NRXN1: variants seen among roughly 807,000 people sequenced by gnomAD.
NRXN1 encodes neurexin-1.
Under a neutral mutation model 150.9 loss-of-function variants are expected in NRXN1, and 39 were observed. That is an observed-to-expected ratio of 0.26 (90% confidence interval 0.20 to 0.34). The LOEUF (loss-of-function observed/expected upper bound fraction) is 0.34. NRXN1 is among the 10% of genes least tolerant of loss of function. NRXN1 has a pLI of 1.00. For missense variants in NRXN1, 1,815 were observed against 1,949.9 expected (o/e 0.93, Z 1.30); for synonymous variants, 924 against 757.0 (o/e 1.22, Z -3.62).
intron 17 of NRXN1, among the ~76,000 whole-genome samples, chr2:50,404,641 G>T (rs949195592): frequency 1.3e-5 from 2 of 151,990 alleles, no homozygotes; most frequent in East Asian, 3.9e-4. Flanking sequence ...CTTGTAGAAG[G>T]GTAACAATTG....
intron 5 of NRXN1, among the ~76,000 whole-genome samples, chr2:50,718,192 C>G (rs1290189256): frequency 6.6e-6 from 1 of 152,098 alleles, no homozygotes; most frequent in Non-Finnish European, 1.5e-5. Context: ...AAAATAGGTT[C>G]CTCTCTTTGG....
chr2:50,081,243 GGC>G lies in NRXN1; in HGVS notation c.3718+10078_3718+10079del, dbSNP rs925760670. On this transcript the variant is annotated intron_variant, in intron 19 of 22. Transcript: ENST00000401669. The stretch of plus-strand genomic sequence containing the variant: ...TTTTGATACTCTGCCTCCTCTTGAC[GGC>G]ACTTTCATTTGTTTATTAGAAGTTA... Among the ~76,000 whole-genome samples, 7 of 152,126 alleles carry G rather than the reference GGC, an allele frequency of 4.6e-5. No individual in the cohort carries two copies. The South Asian group carries it at 6.2e-4, about 14-fold the overall frequency.
intron 17 of NRXN1, among the ~76,000 whole-genome samples, chr2:50,315,415 A>G (rs2075518866): frequency 6.6e-6 from 1 of 152,144 alleles, no homozygotes; most frequent in Admixed American, 6.6e-5. Context: ...GCTCTACTAA[A>G]ATGGAATCTA....
chr2:50,183,362 C>T (rs2060860323), intron 18 of NRXN1, among the ~76,000 whole-genome samples: 1 of 151,912 alleles, frequency 6.6e-6, no homozygotes, highest in Non-Finnish European at 1.5e-5. Flanking sequence ...TAATAAAATT[C>T]AGCAAAACTT....
rs1670441298 is a variant in NRXN1, at chr2:51,026,233, C to T, written c.772+1269G>A. 4 of 650,014 alleles carry T rather than the reference C, an allele frequency of 6.2e-6. No homozygotes were observed. In the Admixed American group the frequency reaches 7.7e-5, roughly 13 times the overall value. 40.3% of individuals were successfully genotyped at this position (650,014 alleles called of 1,614,324 possible). A position where few individuals can be genotyped will look rare whatever the true frequency, so the allele number is the denominator to read the frequency against. ...TTTCGAAATCAGATTTAATAATTCA[C>T]CTTTTTTCACCCATTTCAGCCACAA... On this transcript the variant is annotated intron_variant, in intron 2 of 22. Transcript: ENST00000401669.
At chr2:50,959,908 A>C (rs1692873494) in intron 2 of NRXN1, among the ~76,000 whole-genome samples, 1 of 152,036 alleles carries the variant, frequency 6.6e-6, no homozygotes, top group African/African-American at 2.4e-5. Flanking sequence ...AAGTTAAATG[A>C]CTTGTCCAAA....
At chr2:50,737,196 A>T (rs80317492) in intron 5 of NRXN1, among the ~76,000 whole-genome samples, 1 of 151,596 alleles carries the variant, frequency 6.6e-6, no homozygotes, top group Non-Finnish European at 1.5e-5. Context: ...ACTCCATTTC[A>T]AAAAAAAAGA....
At chr2:50,131,756 A>G (rs1705528171) in intron 18 of NRXN1, among the ~76,000 whole-genome samples, 1 of 152,190 alleles carries the variant, frequency 6.6e-6, no homozygotes, top group South Asian at 2.1e-4. Flanking sequence ...CCTGTCAGGA[A>G]TAAAAATTTG....
At chr2:50,928,226 T>A (rs1192144315) in intron 2 of NRXN1, among the ~76,000 whole-genome samples, 1 of 151,498 alleles carries the variant, frequency 6.6e-6, no homozygotes, top group East Asian at 1.9e-4. Context: ...AAAAAAAAAA[T>A]CAAAGTACTA....
intron 5 of NRXN1, chr2:50,918,643 A>T: frequency 2.7e-6 from 1 of 368,814 alleles, no homozygotes. Flanking sequence ...CCATTAAAGT[A>T]AAATATAAAT....
intron 18 of NRXN1, among the ~76,000 whole-genome samples, chr2:50,148,973 T>C (rs541145455): frequency 6.6e-6 from 1 of 151,850 alleles, no homozygotes; most frequent in South Asian, 2.1e-4. Flanking sequence ...TAATCATCTC[T>C]GGGTTGAAAG....
intron 5 of NRXN1, among the ~76,000 whole-genome samples, chr2:50,655,962 C>T (rs541743057): frequency 6.6e-5 from 10 of 151,808 alleles, no homozygotes; most frequent in Non-Finnish European, 7.4e-5. Context: ...ACCTAATTAC[C>T]GATACAAAGA....
At chr2:50,448,930 G>T (rs984603744) in intron 17 of NRXN1, among the ~76,000 whole-genome samples, 1 of 151,986 alleles carries the variant, frequency 6.6e-6, no homozygotes, top group Non-Finnish European at 1.5e-5. Context: ...AGACCTTCAG[G>T]AACAGCCTAT....
chr2:50,434,043 A>ATCTTTTTTTT lies in NRXN1; in HGVS notation c.3364+31398_3364+31399insAAAAAAAAGA, dbSNP rs1553609855. Among the ~76,000 whole-genome samples the ATCTTTTTTTT allele has an allele frequency of 2.8e-5, 2 of 72,154 alleles. 1 individual carries two copies. The highest frequency in any genetic ancestry group is 1.1e-4 in the African/African-American group (2 of 18,162). The allele number at this position is 72,154 out of a possible 152,430, so 47.3% of individuals were successfully genotyped here. A position where few individuals can be genotyped will look rare whatever the true frequency, so the allele number is the denominator to read the frequency against. Reference sequence around the variant, plus strand: ...ACTCCTTGCTTCCGGTATCTAAGCCATTTTTTTTTTTTTTTTTTTTTTTTT... The same window carrying ATCTTTTTTTT: ...ACTCCTTGCTTCCGGTATCTAAGCCATCTTTTTTTTTTTTTTTTTTTTTTTTTTTTTTTTT... On this transcript the variant is annotated intron_variant, in intron 17 of 22. Transcript: ENST00000401669.
chr2:50,068,733 A>G (rs1408724289), intron 19 of NRXN1, among the ~76,000 whole-genome samples: 1 of 152,222 alleles, frequency 6.6e-6, no homozygotes, highest in East Asian at 1.9e-4. Context: ...GATGTGCCTT[A>G]CACAATATAT....
chr2:50,611,786 G>A (rs1341320270), intron 8 of NRXN1, among the ~76,000 whole-genome samples: 1 of 152,172 alleles, frequency 6.6e-6, no homozygotes, highest in East Asian at 1.9e-4. Context: ...GGCTGCCAGA[G>A]TAGGGAAGAG....
At chr2:51,019,559 A>G (rs1382196932) in intron 2 of NRXN1, among the ~76,000 whole-genome samples, 1 of 152,070 alleles carries the variant, frequency 6.6e-6, no homozygotes, top group African/African-American at 2.4e-5. Context: ...GCAGATTTAG[A>G]AAATACTATG....
intron 18 of NRXN1, among the ~76,000 whole-genome samples, chr2:50,157,049 T>C (rs987675144): frequency 3.3e-5 from 5 of 152,008 alleles, no homozygotes; most frequent in Admixed American, 2.6e-4. Flanking sequence ...GTAGGTGTTA[T>C]TAAGTAGCCA....
chr2:50,599,556 G>A (rs1317961010), intron 8 of NRXN1, among the ~76,000 whole-genome samples: 1 of 152,134 alleles, frequency 6.6e-6, no homozygotes, highest in East Asian at 1.9e-4. Context: ...GACATAATGA[G>A]TATTGCATGA....
Sources: allele counts gnomAD v4.1 joint callset (sites outside exome capture counted in the v4.1 genomes callset), GRCh38; gene constraint gnomAD v4.1.1; transcripts MANE v1.5; gene names NCBI Gene and HGNC (gene_info 2026-07-23, HGNC 2026-07-21).